Variants in FLI1 observed in about 807,000 individuals in gnomAD.
The protein encoded by FLI1 is Friend leukemia integration 1 transcription factor.
In FLI1, 13 loss-of-function variants were observed where a neutral mutation model predicts 53.1. The observed-to-expected ratio is 0.24, with a 90% confidence interval of 0.16 to 0.39. FLI1 has a LOEUF of 0.39. FLI1 is among the 10% of genes least tolerant of loss of function. FLI1 has a pLI of 1.00. For synonymous variants in FLI1, 244 were observed against 236.7 expected (o/e 1.03, Z -0.28); for missense variants, 424 against 600.5 (o/e 0.71, Z 3.07).
At chr11:128,805,677 G>T in intron 6 of FLI1, 1 of 462,792 alleles carries the variant, frequency 2.2e-6, no homozygotes. Flanking sequence ...GAAATTTGAA[G>T]GTTTTCTTGA....
intron 1 of FLI1, among the ~76,000 whole-genome samples, chr11:128,699,281 A>C (rs1421787529): frequency 6.6e-6 from 1 of 152,240 alleles, no homozygotes; most frequent in Non-Finnish European, 1.5e-5. Flanking sequence ...GGTATATAGC[A>C]TTAGTCTAAT....
At chr11:128,711,229 A>C (rs1938772228) in intron 1 of FLI1, among the ~76,000 whole-genome samples, 1 of 152,252 alleles carries the variant, frequency 6.6e-6, no homozygotes, top group African/African-American at 2.4e-5. Context: ...TGGGCAGTAC[A>C]AGACTGCATC....
intron 2 of FLI1, among the ~76,000 whole-genome samples, chr11:128,759,936 T>G (rs2135813812): frequency 6.6e-6 from 1 of 152,282 alleles, no homozygotes; most frequent in South Asian, 2.1e-4. Context: ...GGAGAACTCC[T>G]CCAGAGCAGC....
chr11:128,740,859 C>G (rs1212756634), intron 1 of FLI1, among the ~76,000 whole-genome samples: 1 of 152,086 alleles, frequency 6.6e-6, no homozygotes, highest in Non-Finnish European at 1.5e-5. Flanking sequence ...CAGCCTGGTG[C>G]TAATGGGGAT....
At chr11:128,720,389 T>A (rs1373776306) in intron 1 of FLI1, among the ~76,000 whole-genome samples, 2 of 152,184 alleles carry the variant, frequency 1.3e-5, no homozygotes, top group African/African-American at 4.8e-5. Flanking sequence ...CTTTTGTATT[T>A]TCATAAAATC....
intron 6 of FLI1, chr11:128,806,917 A>T: frequency 2.9e-6 from 1 of 342,316 alleles, no homozygotes; most frequent in Middle Eastern, 7.5e-4. Flanking sequence ...CAAAATTTTA[A>T]GAATTTAAAA....
chr11:128,810,500 C>A lies in FLI1; in HGVS notation c.871C>A (p.Leu291Ile). ...IQLWQFLLEL[L>I]SDSANASCIT... Reference sequence around the variant, plus strand: ...GCTGTGGCAATTCCTCCTGGAGCTGCTCTCCGACAGCGCCAACGCCAGCTG... The same window carrying A: ...GCTGTGGCAATTCCTCCTGGAGCTGATCTCCGACAGCGCCAACGCCAGCTG... The change falls in exon 9 of 9, where the codon CTC (leucine) becomes ATC (isoleucine). Residue 291 changes from leucine to isoleucine, a missense_variant. Coordinates refer to ENST00000527786, the MANE Select transcript of FLI1 (RefSeq NM_002017.5). The surrounding 1 kb of genome is among the most constrained non-coding windows in gnomAD (Gnocchi z 6.6). 1 of 1,605,214 alleles carries A rather than the reference C, an allele frequency of 6.2e-7. No individual in the cohort carries two copies. The highest frequency in any genetic ancestry group is 8.5e-7 in the Non-Finnish European group (1 of 1,175,764).
intron 2 of FLI1, among the ~76,000 whole-genome samples, chr11:128,761,104 A>C (rs1489349306): frequency 6.6e-6 from 1 of 151,974 alleles, no homozygotes; most frequent in African/African-American, 2.4e-5. Flanking sequence ...CATCCTCTCT[A>C]CTGCCCCCTC....
Position 128,803,574 on chromosome 11 carries a change from G to A in FLI1, c.656-1792G>A, listed in dbSNP as rs552913712. The stretch of plus-strand genomic sequence containing the variant: ...CAGGAACCCTTTATGTGTCCTCCAT[G>A]CCTTAGGCACATGACCCGTGTTTCC... On this transcript the variant is annotated intron_variant, in intron 5 of 8. Coordinates refer to ENST00000527786, the MANE Select transcript of FLI1 (RefSeq NM_002017.5). 1.4e-3 allele frequency among the ~76,000 whole-genome samples: 220 copies of A among 152,220 alleles called. 1 individual carries two copies. The highest frequency in any genetic ancestry group is 4.9e-3 in the African/African-American group (204 of 41,496).
intron 5 of FLI1, among the ~76,000 whole-genome samples, chr11:128,794,551 A>C (rs1387966936): frequency 6.6e-6 from 1 of 152,256 alleles, no homozygotes; most frequent in East Asian, 1.9e-4. Context: ...GCCAATGTAT[A>C]GGAAACATCA....
At position 128,781,993 on chromosome 11, in the gene FLI1, G is replaced by C; in HGVS notation, c.625G>C (p.Asp209His). The stretch of plus-strand genomic sequence containing the variant: ...GGCCTATAATACAACCTCCCACACC[G>C]ACCAATCCTCACGATTGAGTGTCAA... ...LLAYNTTSHT[D>H]QSSRLSVKED... The change falls in exon 5 of 9, where the codon GAC (aspartate) becomes CAC (histidine). Residue 209 changes from aspartate (D) to histidine (H), a missense_variant. Asp to His is a moderately conservative substitution (Grantham distance 81, BLOSUM62 -1). Coordinates refer to ENST00000527786, the MANE Select transcript of FLI1 (RefSeq NM_002017.5). 6.2e-7 allele frequency: 1 copy of C among 1,613,794 alleles called. No homozygotes were observed. The highest frequency in any genetic ancestry group is 8.5e-7 in the Non-Finnish European group (1 of 1,179,804).
At chr11:128,713,644 T>G (rs1591745259) in intron 1 of FLI1, among the ~76,000 whole-genome samples, 1 of 150,034 alleles carries the variant, frequency 6.7e-6, no homozygotes, top group Non-Finnish European at 1.5e-5. Flanking sequence ...ATTGAGCTTG[T>G]TGTTATAAGT....
Position 128,694,149 on chromosome 11 carries a change from C to T in FLI1, c.-110C>T, listed in dbSNP as rs1591724500. ...GCTCGCAGGGGGCACGCAGGGAGGG[C>T]CCAGGGCGCCAGGGAGGCCGCGCCG... On this transcript the variant is annotated 5_prime_UTR_variant, in exon 1 of 9. Coordinates refer to ENST00000527786, the MANE Select transcript of FLI1 (RefSeq NM_002017.5). 8.0e-7 allele frequency: 1 copy of T among 1,250,036 alleles called. No individual in the cohort carries two copies. Among genetic ancestry groups the T allele is most frequent in the African/African-American group, 1.6e-5 (1 of 63,724 alleles). 77.4% of individuals were successfully genotyped at this position (1,250,036 alleles called of 1,614,324 possible). A position where few individuals can be genotyped will look rare whatever the true frequency, so the allele number is the denominator to read the frequency against.
chr11:128,688,206 G>T (rs1222518463), intron 1 of FLI1, among the ~76,000 whole-genome samples: 2 of 152,212 alleles, frequency 1.3e-5, no homozygotes, highest in African/African-American at 2.4e-5. Flanking sequence ...TCAGGGATGA[G>T]GAGCCCTAGA....
At chr11:128,767,980 A>T in intron 2 of FLI1, 138 bp from the exon 3 acceptor site, 2 of 686,280 alleles carry the variant, frequency 2.9e-6, no homozygotes, top group Non-Finnish European at 4.8e-6. Context: ...AGAGGGCATC[A>T]TCATCATCAT....
At chr11:128,745,847 C>G (rs988476967) in intron 1 of FLI1, among the ~76,000 whole-genome samples, 5 of 152,162 alleles carry the variant, frequency 3.3e-5, no homozygotes, top group African/African-American at 1.2e-4. Flanking sequence ...TGAAGCCCCC[C>G]CATATGCATG....
chr11:128,719,628 G>A (rs1045064328), intron 1 of FLI1, among the ~76,000 whole-genome samples: 3 of 152,152 alleles, frequency 2.0e-5, no homozygotes, highest in African/African-American at 7.2e-5. Context: ...AATTTTGGGA[G>A]CTGAATTACA....
Position 128,811,534 on chromosome 11 carries a change from A to G in FLI1, c.*546A>G, listed in dbSNP as rs959736123. On this transcript the variant is annotated 3_prime_UTR_variant, in exon 9 of 9. Transcript: ENST00000527786. ...ACCCAACTGGAATTTGATGGAAAGA[A>G]GGTTTGTGTGTTTAAGACGCCAAGG... The G allele has an allele frequency of 2.2e-5, 5 of 231,440 alleles. No individual in the cohort carries two copies. The highest frequency in any genetic ancestry group is 3.4e-5 in the Non-Finnish European group (4 of 117,904). The allele number at this position is 231,440 out of a possible 1,614,324, so 14.3% of individuals were successfully genotyped here. A position where few individuals can be genotyped will look rare whatever the true frequency, so the allele number is the denominator to read the frequency against.
intron 1 of FLI1, among the ~76,000 whole-genome samples, chr11:128,713,300 T>A (rs1938865835): frequency 6.6e-6 from 1 of 152,240 alleles, no homozygotes; most frequent in Non-Finnish European, 1.5e-5. Flanking sequence ...TTATCAATAG[T>A]TTGACAGTTC....
Sources: allele counts gnomAD v4.1 joint callset (sites outside exome capture counted in the v4.1 genomes callset), GRCh38; gene constraint gnomAD v4.1.1; non-coding constraint Gnocchi (gnomAD v3.1); transcripts MANE v1.5; gene names NCBI Gene and HGNC (gene_info 2026-07-23, HGNC 2026-07-21).